PRKAR1A: variants seen among roughly 807,000 people sequenced by gnomAD.
PRKAR1A encodes cAMP-dependent protein kinase type I-alpha regulatory subunit.
PRKAR1A carries 3 observed loss-of-function variants against 52.0 expected under a neutral mutation model. The ratio of observed to expected loss-of-function variants is 0.06; its 90% CI spans 0.03 to 0.15. The LOEUF (loss-of-function observed/expected upper bound fraction) is 0.15. Among genes scored for constraint, PRKAR1A ranks in the 10% least tolerant of loss-of-function variants. The probability of loss-of-function intolerance (pLI) is 1.00; values close to 1 mark genes in which losing one functional copy is unlikely to be tolerated. For missense variants in PRKAR1A, 240 were observed against 477.4 expected, an observed-to-expected ratio of 0.50 and a Z score of 4.63; for synonymous variants, 188 against 168.4, an observed-to-expected ratio of 1.12 and a Z score of -0.90.
chr17:68,424,192 G>C, the PRKAR1A span, among the ~76,000 whole-genome samples: 16 of 152,186 alleles, frequency 1.1e-4, no homozygotes, highest in Admixed American at 8.5e-4. Context: ...GTATTTTTAA[G>C]AACAACTGCT....
chr17:68,518,939 C>T (rs1258324006), intron 2 of PRKAR1A, among the ~76,000 whole-genome samples: 3 of 152,184 alleles, frequency 2.0e-5, no homozygotes, highest in Non-Finnish European at 4.4e-5. Flanking sequence ...AAAATACTGC[C>T]AGTCTCTTTG....
chr17:68,418,103 G>GC, the PRKAR1A span, among the ~76,000 whole-genome samples: 1 of 152,186 alleles, frequency 6.6e-6, no homozygotes, highest in South Asian at 2.1e-4. Context: ...CTCCTTATGT[G>GC]CCAGACTAGA....
the PRKAR1A span, among the ~76,000 whole-genome samples, chr17:68,506,749 T>C: frequency 2.2e-3 from 330 of 152,292 alleles, 1 homozygote; most frequent in African/African-American, 7.5e-3. Context: ...CCCAAAGTGC[T>C]GAGATTACAG....
the PRKAR1A span, among the ~76,000 whole-genome samples, chr17:68,496,984 T>C: frequency 7.2e-5 from 11 of 151,884 alleles, no homozygotes; most frequent in Admixed American, 4.6e-4. Context: ...CCACCATGTC[T>C]GGCCCATTTT....
At chr17:68,511,116 T>C (rs1382074097), upstream of PRKAR1A, among the ~76,000 whole-genome samples, 1 of 152,266 alleles carries the variant, frequency 6.6e-6, no homozygotes, top group African/African-American at 2.4e-5. Context: ...GTTCATGATT[T>C]ACTTTAAACA....
At chr17:68,507,529 C>G (rs981161988), upstream of PRKAR1A, among the ~76,000 whole-genome samples, 1 of 152,240 alleles carries the variant, frequency 6.6e-6, no homozygotes, top group East Asian at 1.9e-4. Flanking sequence ...TCAGCTAATG[C>G]GTGTGGGTCT....
At chr17:68,518,626 C>A (rs1321690972) in intron 2 of PRKAR1A, among the ~76,000 whole-genome samples, 2 of 152,230 alleles carry the variant, frequency 1.3e-5, no homozygotes, top group East Asian at 1.9e-4. Context: ...ACCATTTTCC[C>A]CTCCTAGGCC....
the PRKAR1A span, chr17:68,426,243 G>T: frequency 5.5e-5 from 51 of 935,228 alleles, 1 homozygote; most frequent in Non-Finnish European, 7.4e-5. Flanking sequence ...CCTGGCGGGT[G>T]GGGAGCGGGG....
chr17:68,436,336 C>G, the PRKAR1A span: 1 of 1,565,280 alleles, frequency 6.4e-7, no homozygotes, highest in African/African-American at 1.4e-5. Context: ...CATGACCACA[C>G]AGCCAAGGCA....
the PRKAR1A span, among the ~76,000 whole-genome samples, chr17:68,459,942 TC>T: frequency 3.3e-5 from 5 of 151,630 alleles, no homozygotes; most frequent in African/African-American, 1.2e-4. Flanking sequence ...TGCCTCAGCC[TC>T]CCAAGCAGCT....
At chr17:68,492,853 T>G in the PRKAR1A span, among the ~76,000 whole-genome samples, 1 of 152,230 alleles carries the variant, frequency 6.6e-6, no homozygotes, top group African/African-American at 2.4e-5. Context: ...ATTCCTTTTT[T>G]ATGGCTGCAT....
the PRKAR1A span, among the ~76,000 whole-genome samples, chr17:68,425,745 G>A: frequency 1.6e-4 from 25 of 152,252 alleles, no homozygotes; most frequent in African/African-American, 5.1e-4. Flanking sequence ...GACAAGTCAC[G>A]TGTTCCTACC....
chr17:68,541,395 G>A (rs565861650), intron 11 of PRKAR1A: 12 of 221,506 alleles, frequency 5.4e-5, no homozygotes, highest in East Asian at 1.1e-4. Context: ...ATTTTCATCC[G>A]AGGGCTCTTC....
chr17:68,448,592 C>G, the PRKAR1A span, among the ~76,000 whole-genome samples: 46 of 152,218 alleles, frequency 3.0e-4, no homozygotes, highest in Non-Finnish European at 4.7e-4. Flanking sequence ...TTCCTTGTCC[C>G]ATTTGCTAAT....
chr17:68,549,050 C>G (rs1346754558), intron 11 of PRKAR1A, among the ~76,000 whole-genome samples: 1 of 152,072 alleles, frequency 6.6e-6, no homozygotes, highest in Non-Finnish European at 1.5e-5. Context: ...TTTGTTTTAA[C>G]TGACCAGGCA....
chr17:68,497,177 T>C, the PRKAR1A span, among the ~76,000 whole-genome samples: 1 of 152,210 alleles, frequency 6.6e-6, no homozygotes, highest in Non-Finnish European at 1.5e-5. Context: ...TTTTGTGACA[T>C]AAAAATTAGA....
chr17:68,436,989 G>A, the PRKAR1A span, among the ~76,000 whole-genome samples: 18 of 70,214 alleles, frequency 2.6e-4, no homozygotes, highest in Non-Finnish European at 3.5e-4. Flanking sequence ...GTGAGACCCC[G>A]TCTCAAAAAA....
At chr17:68,436,985 C>G in the PRKAR1A span, among the ~76,000 whole-genome samples, 1 of 120,974 alleles carries the variant, frequency 8.3e-6, no homozygotes, top group Non-Finnish European at 1.7e-5. Flanking sequence ...CAGAGTGAGA[C>G]CCCGTCTCAA....
At chr17:68,543,258 G>A (rs1456667138) in intron 11 of PRKAR1A, among the ~76,000 whole-genome samples, 1 of 151,920 alleles carries the variant, frequency 6.6e-6, no homozygotes, top group Non-Finnish European at 1.5e-5. Context: ...GCAAATAGAG[G>A]GAGTGGAATG....
Sources: gnomAD v4.1 joint callset for allele counts (sites outside exome capture counted in the v4.1 genomes callset) on GRCh38, gnomAD v4.1.1 for gene constraint, MANE v1.5 for transcripts, NCBI Gene and HGNC (gene_info 2026-07-23, HGNC 2026-07-21) for gene names.